The following PTPRD variants were observed in gnomAD, a reference collection of about 807,000 sequenced individuals.
PTPRD encodes the protein receptor-type tyrosine-protein phosphatase delta.
PTPRD carries 34 observed loss-of-function variants against 214.5 expected under a neutral mutation model. The observed-to-expected ratio is 0.16, with a 90% CI of 0.12 to 0.21. The LOEUF (loss-of-function observed/expected upper bound fraction) is 0.21. Ranked by LOEUF, PTPRD falls within the 10% of genes least tolerant of loss-of-function variation. The pLI is 1.00. For missense variants in PTPRD, 2,545 were observed against 2,398.7 expected (o/e 1.06, Z -1.27); for synonymous variants, 1,128 against 845.7 (o/e 1.33, Z -5.79).
intron 5 of PTPRD, among the ~76,000 whole-genome samples, chr9:9,890,344 TC>T (rs1369010870): frequency 2.0e-5 from 3 of 151,842 alleles, no homozygotes; most frequent in African/African-American, 7.2e-5. Flanking sequence ...CTACAAGTGT[TC>T]CCTCCACGCC....
intron 14 of PTPRD, among the ~76,000 whole-genome samples, chr9:8,602,896 T>C (rs1017229104): frequency 2.0e-5 from 3 of 152,198 alleles, no homozygotes; most frequent in Admixed American, 6.5e-5. Flanking sequence ...ATTCAACTAA[T>C]TCATTCATCT....
chr9:10,399,747 T>C (rs143465425), intron 2 of PTPRD, among the ~76,000 whole-genome samples: 308 of 152,026 alleles, frequency 2.0e-3, no homozygotes, highest in Middle Eastern at 6.8e-3. Flanking sequence ...GGGAGAAAGA[T>C]ATTCTAGGCA....
At chr9:9,400,417 AC>A (rs1342167785) in intron 8 of PTPRD, among the ~76,000 whole-genome samples, 3 of 125,866 alleles carry the variant, frequency 2.4e-5, no homozygotes, top group Non-Finnish European at 5.0e-5. Context: ...GATTGAAAAC[AC>A]CAGATAATAG....
intron 11 of PTPRD, among the ~76,000 whole-genome samples, chr9:8,805,728 G>T (rs7021643): frequency 0.47 from 70,541 of 150,822 alleles, 16,850 homozygotes; most frequent in East Asian, 0.68. Flanking sequence ...GGGCACGGTG[G>T]GTCACACCTG....
At chr9:10,422,749 A>T (rs911718789) in intron 2 of PTPRD, among the ~76,000 whole-genome samples, 4 of 152,090 alleles carry the variant, frequency 2.6e-5, no homozygotes, top group African/African-American at 9.7e-5. Flanking sequence ...TCAAAACCAC[A>T]ATGAGATACT....
intron 3 of PTPRD, among the ~76,000 whole-genome samples, chr9:10,064,532 C>G (rs2097842200): frequency 1.3e-5 from 2 of 151,834 alleles, no homozygotes; most frequent in Admixed American, 1.3e-4. Flanking sequence ...GGTTAATGGT[C>G]TATCATTTTA....
intron 3 of PTPRD, among the ~76,000 whole-genome samples, chr9:10,103,517 T>C (rs562447403): frequency 6.6e-6 from 1 of 151,122 alleles, no homozygotes; most frequent in African/African-American, 2.4e-5. Context: ...AAATGGAAAC[T>C]ACCCAAGAGT....
At chr9:8,736,032 T>G (rs1454230779) in intron 11 of PTPRD, among the ~76,000 whole-genome samples, 1 of 152,134 alleles carries the variant, frequency 6.6e-6, no homozygotes, top group Admixed American at 6.5e-5. Context: ...CATTTAATGT[T>G]TTAGAGCAGA....
At chr9:8,614,399 T>G (rs1342610267) in intron 14 of PTPRD, among the ~76,000 whole-genome samples, 2 of 152,120 alleles carry the variant, frequency 1.3e-5, no homozygotes, top group Non-Finnish European at 2.9e-5. Context: ...CATGACCAGG[T>G]ATAGGTTTAT....
At chr9:8,771,446 T>C (rs2095205526) in intron 11 of PTPRD, among the ~76,000 whole-genome samples, 1 of 152,182 alleles carries the variant, frequency 6.6e-6, no homozygotes, top group Admixed American at 6.5e-5. Flanking sequence ...TGTGTCATGG[T>C]AAAACATGAA....
chr9:10,574,693 T>C (rs1197353706), intron 2 of PTPRD, among the ~76,000 whole-genome samples: 1 of 151,838 alleles, frequency 6.6e-6, no homozygotes, highest in African/African-American at 2.4e-5. Flanking sequence ...TAAGAAAGTA[T>C]GCTTCCATTT....
intron 11 of PTPRD, among the ~76,000 whole-genome samples, chr9:8,957,035 T>C (rs906563322): frequency 6.6e-6 from 1 of 151,956 alleles, no homozygotes; most frequent in African/African-American, 2.4e-5. Context: ...ACTATTTAAA[T>C]CCTGTTGTGA....
At chr9:8,616,587 T>A (rs1169846323) in intron 14 of PTPRD, among the ~76,000 whole-genome samples, 1 of 152,128 alleles carries the variant, frequency 6.6e-6, no homozygotes, top group East Asian at 1.9e-4. Context: ...TTTTTAATGA[T>A]GACAAATGTG....
chr9:10,553,079 A>T (rs2061697517), intron 2 of PTPRD, among the ~76,000 whole-genome samples: 1 of 152,156 alleles, frequency 6.6e-6, no homozygotes, highest in Admixed American at 6.5e-5. Flanking sequence ...CATCATAGTG[A>T]TCACTAGCAA....
At chr9:9,136,697 G>C (rs1369034210) in intron 10 of PTPRD, among the ~76,000 whole-genome samples, 1 of 152,106 alleles carries the variant, frequency 6.6e-6, no homozygotes, top group Non-Finnish European at 1.5e-5. Context: ...GAGGGCAGCA[G>C]TTTATCTGTA....
rs190949262 is a variant in PTPRD at position 8,769,826 on chromosome 9, G to A, written c.-103-35880C>T. Among the ~76,000 whole-genome samples, 323 of 150,934 alleles carry A rather than the reference G, an allele frequency of 2.1e-3. 2 individuals are homozygous for A. The highest frequency in any genetic ancestry group is 3.6e-3 in the Non-Finnish European group (247 of 67,772). On this transcript the variant is annotated intron_variant, in intron 11 of 45. Coordinates refer to ENST00000381196, the MANE Select transcript of PTPRD (RefSeq NM_002839.4). ...AATTAGAAAAAAAAAAAAATACATA[G>A]AAATCTGACCGCACTCCCCTGCTCC...
chr9:10,433,929 AT>A (rs1188474043), intron 2 of PTPRD, among the ~76,000 whole-genome samples: 6 of 151,952 alleles, frequency 3.9e-5, no homozygotes, highest in South Asian at 2.1e-4. Context: ...TTGGAATACC[AT>A]TGGTAATGTA....
rs539197556 is a variant in PTPRD, at chr9:8,499,742, G to C, written c.2227C>G (p.Gln743Glu). The change falls in exon 25 of 46, where the codon CAG (glutamine) becomes GAG (glutamate). Residue 743 changes from glutamine (Q) to glutamate (E), a missense_variant. Physicochemically the swap from Gln to Glu is conservative, Grantham distance 29. Coordinates refer to ENST00000381196, the MANE Select transcript of PTPRD (RefSeq NM_002839.4). ...TAATGCACCTGATATCCTCTTATCT[G>C]GCCATGCTGTTTATTGGGCACGGGT... The part of the protein sequence containing the change: ...RSPVPNKQHG[Q>E]IRGYQVHYVR... The C allele has an allele frequency of 1.2e-6, 2 of 1,614,036 alleles. No homozygotes were observed. Among genetic ancestry groups the C allele is most frequent in the East Asian group, 2.2e-5 (1 of 44,866 alleles).
intron 39 of PTPRD, among the ~76,000 whole-genome samples, chr9:8,358,486 T>G (rs1344407887): frequency 6.6e-6 from 1 of 152,232 alleles, no homozygotes; most frequent in African/African-American, 2.4e-5. Flanking sequence ...CTCTGGCTCT[T>G]CCACCTGCAG....
Sources: gnomAD v4.1 joint callset for allele counts (sites outside exome capture counted in the v4.1 genomes callset) on GRCh38, gnomAD v4.1.1 for gene constraint, MANE v1.5 for transcripts, NCBI Gene and HGNC (gene_info 2026-07-23, HGNC 2026-07-21) for gene names.